SH2D4B: variants seen among roughly 807,000 people sequenced by gnomAD.
SH2D4B encodes SH2 domain containing 4B, also known as SH2 domain-containing protein 4B.
SH2D4B carries 45 observed loss-of-function variants against 61.5 expected under a neutral mutation model. That is an observed-to-expected ratio of 0.73 (90% CI 0.58 to 0.94). The LOEUF (loss-of-function observed/expected upper bound fraction) is 0.94. Among genes scored for constraint, SH2D4B ranks in the 40% least tolerant of loss-of-function variants. The pLI is 0.00. For missense variants in SH2D4B, 572 were observed against 574.2 expected, an observed-to-expected ratio of 1.00 and a Z score of 0.04; for synonymous variants, 224 against 220.4, an observed-to-expected ratio of 1.02 and a Z score of -0.14.
chr10:80,592,107 A>G (rs185280507), intron 4 of SH2D4B, among the ~76,000 whole-genome samples: 2 of 152,246 alleles, frequency 1.3e-5, no homozygotes, highest in Non-Finnish European at 1.5e-5. Flanking sequence ...GTGACATCTC[A>G]TCGTGGTTTT....
At chr10:80,558,860 T>A (rs190001769) in intron 1 of SH2D4B, among the ~76,000 whole-genome samples, 2 of 152,224 alleles carry the variant, frequency 1.3e-5, no homozygotes, top group South Asian at 4.1e-4. Context: ...TTCATAGATA[T>A]GTGCAACCAT....
In SH2D4B at chr10:80,588,607, G is replaced by A. The variant is rs778836816; in HGVS notation, c.496-23G>A. 9 of 1,612,816 alleles carry A rather than the reference G, an allele frequency of 5.6e-6. No homozygotes were observed. The Admixed American group carries it at 6.7e-5, about 12-fold the overall frequency. On this transcript the variant is annotated intron_variant, in intron 3 of 7. Transcript: ENST00000646907. ...TGAAGTGTTGTGGTCATCTCGTGTTGTTCTGTTCCCATGACATTTTAGAGG... is the reference window on the plus strand; with the variant it reads ...TGAAGTGTTGTGGTCATCTCGTGTTATTCTGTTCCCATGACATTTTAGAGG...
chr10:80,624,006 G>A (rs1359951461), intron 6 of SH2D4B, among the ~76,000 whole-genome samples: 2 of 152,072 alleles, frequency 1.3e-5, no homozygotes, highest in Non-Finnish European at 2.9e-5. Context: ...ATTTAACGAC[G>A]GGGGCTGATG....
rs1169877208 is a variant in SH2D4B at position 80,538,373 on chromosome 10, G to A, written c.42G>A (p.Glu14=). 3 of 1,408,994 alleles carry A rather than the reference G, an allele frequency of 2.1e-6. No homozygotes were observed. Among genetic ancestry groups the A allele is most frequent in the Admixed American group, 3.3e-5 (1 of 30,656 alleles). 87.3% of individuals were successfully genotyped at this position (1,408,994 alleles called of 1,614,324 possible). A position where few individuals can be genotyped will look rare whatever the true frequency, so the allele number is the denominator to read the frequency against. The change falls in exon 1 of 8, where the codon GAG becomes GAA. Residue 14 remains glutamate, a synonymous_variant. Transcript: ENST00000646907. This position sits in a 1 kb window ranked among gnomAD's most constrained non-coding sequence, Gnocchi z 4.8. ...QILHDMYIDP[E]LLAELSDVQK... The stretch of plus-strand genomic sequence containing the variant: ...TGCACGACATGTACATCGACCCCGA[G>A]CTCCTTGCCGAGCTCAGCGATGTGC...
chr10:80,545,356 C>T (rs951893670), intron 1 of SH2D4B, among the ~76,000 whole-genome samples: 3 of 151,524 alleles, frequency 2.0e-5, no homozygotes, highest in Non-Finnish European at 4.4e-5. Context: ...CCTCTTCTTC[C>T]TTTCCTCCTC....
intron 1 of SH2D4B, among the ~76,000 whole-genome samples, chr10:80,566,453 G>A (rs1451033186): frequency 6.6e-6 from 1 of 151,840 alleles, no homozygotes; most frequent in Non-Finnish European, 1.5e-5. Flanking sequence ...GCACCATCAT[G>A]CCCAGCTAAT....
In SH2D4B at chr10:80,587,152, T is replaced by G. The variant is rs34149787; in HGVS notation, c.496-1478T>G. Among the ~76,000 whole-genome samples, 136 of 62,366 alleles carry G rather than the reference T, an allele frequency of 2.2e-3. 1 individual carries two copies. Among genetic ancestry groups the G allele is most frequent in the African/African-American group, 0.011 (59 of 5,312 alleles). The allele number at this position is 62,366 out of a possible 152,430, so 40.9% of individuals were successfully genotyped here. A position where few individuals can be genotyped will look rare whatever the true frequency, so the allele number is the denominator to read the frequency against. On this transcript the variant is annotated intron_variant, in intron 3 of 7. Transcript: ENST00000646907. ...CACGTTTTTTTTTTTTTTTGTTTTGTTTTTTTTTTTTTTTTTGGAGACGCC... is the reference window on the plus strand; with the variant it reads ...CACGTTTTTTTTTTTTTTTGTTTTGGTTTTTTTTTTTTTTTTGGAGACGCC...
chr10:80,541,389 T>A (rs768004982), intron 1 of SH2D4B, among the ~76,000 whole-genome samples: 2 of 152,224 alleles, frequency 1.3e-5, no homozygotes, highest in Non-Finnish European at 2.9e-5. Flanking sequence ...GTGCTATTCT[T>A]GTCTCATTGA....
At chr10:80,563,198 GC>G (rs2132113533) in intron 1 of SH2D4B, among the ~76,000 whole-genome samples, 1 of 152,284 alleles carries the variant, frequency 6.6e-6, no homozygotes, top group South Asian at 2.1e-4. Flanking sequence ...ACCGCGCCCG[GC>G]CGATGCTGAA....
chr10:80,622,003 G>A (rs1221294139), intron 6 of SH2D4B, among the ~76,000 whole-genome samples: 2 of 152,168 alleles, frequency 1.3e-5, no homozygotes, highest in African/African-American at 2.4e-5. Flanking sequence ...TTACAGGTGT[G>A]AGCCACCACG....
intron 5 of SH2D4B, among the ~76,000 whole-genome samples, chr10:80,606,597 C>T (rs557668837): frequency 3.1e-4 from 47 of 152,314 alleles, no homozygotes; most frequent in African/African-American, 1.1e-3. Context: ...ATCCGCCCAC[C>T]TCGGCCTCCC....
chr10:80,558,376 A>G (rs776594255), intron 1 of SH2D4B, among the ~76,000 whole-genome samples: 22 of 152,234 alleles, frequency 1.4e-4, no homozygotes, highest in Non-Finnish European at 2.4e-4. Flanking sequence ...TAGATCTTCT[A>G]TAGCTTAATT....
At chr10:80,546,680 C>T (rs372235724) in intron 1 of SH2D4B, among the ~76,000 whole-genome samples, 18 of 152,066 alleles carry the variant, frequency 1.2e-4, no homozygotes, top group Middle Eastern at 3.2e-3. Flanking sequence ...CGCCCACCAC[C>T]GCGCCCGGCT....
intron 4 of SH2D4B, among the ~76,000 whole-genome samples, chr10:80,595,924 AT>A (rs1842379750): frequency 6.6e-6 from 1 of 152,044 alleles, no homozygotes; most frequent in South Asian, 2.1e-4. Flanking sequence ...TTACAGTGGG[AT>A]TTTGCTTTTA....
chr10:80,642,148 G>A (rs2132168361), intron 7 of SH2D4B, among the ~76,000 whole-genome samples: 1 of 152,170 alleles, frequency 6.6e-6, no homozygotes, highest in East Asian at 1.9e-4. Flanking sequence ...CTGGAGTGCA[G>A]TGGTGCGATC....
chr10:80,578,850 C>T (rs377094498), intron 3 of SH2D4B, among the ~76,000 whole-genome samples: 10 of 151,986 alleles, frequency 6.6e-5, no homozygotes, highest in African/African-American at 2.4e-4. Context: ...TCTATGACAA[C>T]GAGGAAGGAG....
intron 6 of SH2D4B, among the ~76,000 whole-genome samples, chr10:80,628,898 C>T (rs553912211): frequency 9.2e-5 from 14 of 151,806 alleles, no homozygotes; most frequent in South Asian, 2.1e-4. Flanking sequence ...GGCATAGTGG[C>T]GCATGCCTGT....
intron 6 of SH2D4B, among the ~76,000 whole-genome samples, chr10:80,621,612 T>C (rs1267701226): frequency 6.6e-6 from 1 of 152,190 alleles, no homozygotes; most frequent in Non-Finnish European, 1.5e-5. Context: ...TCGTCAAATG[T>C]CGTCTGGGTA....
intron 3 of SH2D4B, among the ~76,000 whole-genome samples, chr10:80,587,220 C>G (rs1326785675): frequency 6.9e-6 from 1 of 145,818 alleles, no homozygotes; most frequent in Admixed American, 7.1e-5. Context: ...ACTGCAACCT[C>G]TGCCTCCTGG....
Sources: gnomAD v4.1 joint callset for allele counts (sites outside exome capture counted in the v4.1 genomes callset) on GRCh38, gnomAD v4.1.1 for gene constraint, Gnocchi (gnomAD v3.1) non-coding constraint, MANE v1.5 for transcripts, NCBI Gene and HGNC (gene_info 2026-07-23, HGNC 2026-07-21) for gene names.